Variants in HSF2BP observed in about 807,000 individuals in gnomAD.
The protein encoded by HSF2BP is heat shock factor 2-binding protein.
In HSF2BP, 35 loss-of-function variants were observed where a neutral mutation model predicts 35.0. That is an observed-to-expected ratio of 1.00 (90% confidence interval 0.76 to 1.32). The LOEUF (loss-of-function observed/expected upper bound fraction) is 1.32, where lower values mean the gene tolerates loss of function less well. Among genes scored for constraint, HSF2BP ranks in the 40% most tolerant of loss-of-function variants. HSF2BP has a pLI of 0.00. For missense variants in HSF2BP, 326 were observed against 321.7 expected (o/e 1.01, Z -0.10); for synonymous variants, 114 against 117.4 (o/e 0.97, Z 0.18).
rs144492212 is a variant in HSF2BP, at chr21:43,643,290, G to A, written c.291+999C>T. On this transcript the variant is annotated intron_variant, in intron 4 of 8. Transcript: ENST00000291560. ...GATTTTTTCCTCCGAGACTCTCATC[G>A]CTATGGTTTGTCCCCCTGCAAACTC... 6.0e-4 allele frequency among the ~76,000 whole-genome samples: 91 copies of A among 151,854 alleles called. 2 individuals are homozygous for A. The East Asian group carries it at 0.015, about 25-fold the overall frequency.
intron 6 of HSF2BP, among the ~76,000 whole-genome samples, chr21:43,622,703 G>T (rs1489453507): frequency 1.3e-5 from 2 of 151,968 alleles, no homozygotes; most frequent in East Asian, 3.9e-4. Flanking sequence ...GGGAGAAATT[G>T]ACTGCAGTAC....
intron 3 of HSF2BP, among the ~76,000 whole-genome samples, chr21:43,649,046 C>A (rs1335097626): frequency 6.6e-6 from 1 of 152,038 alleles, no homozygotes; most frequent in Non-Finnish European, 1.5e-5. Flanking sequence ...GCTCATCATT[C>A]ATTTATTTAA....
At chr21:43,649,040 A>T (rs140334260) in intron 3 of HSF2BP, among the ~76,000 whole-genome samples, 1 of 152,062 alleles carries the variant, frequency 6.6e-6, no homozygotes, top group African/African-American at 2.4e-5. Flanking sequence ...TCATTTGCTC[A>T]TCATTCATTT....
At chr21:43,658,482 A>T (rs988007227) in intron 1 of HSF2BP, among the ~76,000 whole-genome samples, 162 bp from the exon 2 acceptor site, 2 of 152,114 alleles carry the variant, frequency 1.3e-5, no homozygotes, top group African/African-American at 4.8e-5. Flanking sequence ...CCTCGCTCGG[A>T]TTCAGGCGCT....
chr21:43,587,609 G>T (rs551921192), intron 8 of HSF2BP, among the ~76,000 whole-genome samples: 1 of 144,972 alleles, frequency 6.9e-6, no homozygotes, highest in South Asian at 2.2e-4. Flanking sequence ...AGGTTGTGGT[G>T]AGCAGAGATC....
Position 43,582,527 on chromosome 21 carries a change from G to A in HSF2BP, c.796+9698C>T, listed in dbSNP as rs573084110. Among the ~76,000 whole-genome samples, 282 of 112,176 alleles carry A rather than the reference G, an allele frequency of 2.5e-3. 8 individuals carry two copies. Among genetic ancestry groups the A allele is most frequent in the African/African-American group, 9.8e-3 (268 of 27,304 alleles). 73.6% of individuals were successfully genotyped at this position (112,176 alleles called of 152,430 possible). A position where few individuals can be genotyped will look rare whatever the true frequency, so the allele number is the denominator to read the frequency against. On this transcript the variant is annotated intron_variant, in intron 8 of 8. Transcript: ENST00000291560. Reference sequence around the variant, plus strand: ...GCCTGCTGAGGGAGATGAAGGGCCTGCTGAGGGAGATGAGGACCTGCTGAG... The same window carrying A: ...GCCTGCTGAGGGAGATGAAGGGCCTACTGAGGGAGATGAGGACCTGCTGAG...
chr21:43,595,648 A>G (rs185859857), intron 7 of HSF2BP, among the ~76,000 whole-genome samples: 2 of 149,744 alleles, frequency 1.3e-5, no homozygotes, highest in Non-Finnish European at 3.0e-5. Flanking sequence ...ACAGAGCAAG[A>G]CCCTATCTCA....
chr21:43,655,111 G>A (rs905216434), intron 3 of HSF2BP, among the ~76,000 whole-genome samples: 2 of 152,208 alleles, frequency 1.3e-5, no homozygotes, highest in Non-Finnish European at 2.9e-5. Flanking sequence ...ACTAACTCAT[G>A]AGACCCTGAT....
chr21:43,468,101 A>G, the HSF2BP span, among the ~76,000 whole-genome samples: 2 of 118,674 alleles, frequency 1.7e-5, no homozygotes, highest in Admixed American at 8.5e-5. Context: ...CATACCACAC[A>G]CCACAAACCA....
chr21:43,641,201 G>A (rs915639993), intron 4 of HSF2BP, among the ~76,000 whole-genome samples: 5 of 152,066 alleles, frequency 3.3e-5, no homozygotes, highest in African/African-American at 4.8e-5. Flanking sequence ...GGGTTTCACC[G>A]TGTTAGCCAG....
intron 7 of HSF2BP, among the ~76,000 whole-genome samples, chr21:43,596,409 C>T (rs1055731415): frequency 6.6e-6 from 1 of 152,076 alleles, no homozygotes; most frequent in African/African-American, 2.4e-5. Flanking sequence ...CACACACACA[C>T]ACAGCCTTTA....
At chr21:43,631,682 C>A (rs1216879094) in intron 5 of HSF2BP, among the ~76,000 whole-genome samples, 2 of 152,128 alleles carry the variant, frequency 1.3e-5, no homozygotes, top group Non-Finnish European at 2.9e-5. Context: ...ACATCCCAAC[C>A]TACGTTTAAG....
rs142039505 is a variant in HSF2BP at position 43,628,620 on chromosome 21, T to C, written c.574+1702A>G. Among the ~76,000 whole-genome samples, 491 of 152,356 alleles carry C rather than the reference T, an allele frequency of 3.2e-3. 1 individual carries two copies. Among genetic ancestry groups the C allele is most frequent in the African/African-American group, 0.011 (458 of 41,588 alleles). On this transcript the variant is annotated intron_variant, in intron 6 of 8. Transcript: ENST00000291560. Reference sequence around the variant, plus strand: ...GCTGCAGCAAGTTATCCAGAAGATCTAGCTAAGATCACTGCCGAGGGTGGT... The same window carrying C: ...GCTGCAGCAAGTTATCCAGAAGATCCAGCTAAGATCACTGCCGAGGGTGGT...
chr21:43,641,818 C>A (rs1000278958), intron 4 of HSF2BP, among the ~76,000 whole-genome samples: 2 of 150,764 alleles, frequency 1.3e-5, no homozygotes, highest in Admixed American at 6.6e-5. Context: ...CATGGTGGCA[C>A]GTGCCTGTAA....
At chr21:43,585,712 T>C (rs999314824) in intron 8 of HSF2BP, among the ~76,000 whole-genome samples, 1 of 151,488 alleles carries the variant, frequency 6.6e-6, no homozygotes, top group African/African-American at 2.4e-5. Context: ...GTTTTGAAAG[T>C]AGAGCCATCA....
At chr21:43,651,201 T>C (rs1225367005) in intron 3 of HSF2BP, among the ~76,000 whole-genome samples, 2 of 152,208 alleles carry the variant, frequency 1.3e-5, no homozygotes, top group African/African-American at 2.4e-5. Flanking sequence ...GGGACTCCTA[T>C]GAGCCAGTCA....
intron 4 of HSF2BP, among the ~76,000 whole-genome samples, chr21:43,643,999 T>C (rs1348968863): frequency 6.6e-6 from 1 of 152,064 alleles, no homozygotes; most frequent in African/African-American, 2.4e-5. Flanking sequence ...GTATCAGATA[T>C]TTTGTTATAG....
chr21:43,612,313 G>C (rs933847872), intron 7 of HSF2BP, among the ~76,000 whole-genome samples: 1 of 152,068 alleles, frequency 6.6e-6, no homozygotes, highest in Non-Finnish European at 1.5e-5. Flanking sequence ...GGATGACACA[G>C]GTGTTGGAAG....
At chr21:43,613,219 T>TA (rs2146919027) in intron 7 of HSF2BP, among the ~76,000 whole-genome samples, 1 of 152,000 alleles carries the variant, frequency 6.6e-6, no homozygotes, top group African/African-American at 2.4e-5. Flanking sequence ...GAAGATGGGG[T>TA]CCCTGTGAGA....
Sources: gnomAD v4.1 joint callset for allele counts (sites outside exome capture counted in the v4.1 genomes callset) on GRCh38, gnomAD v4.1.1 for gene constraint, MANE v1.5 for transcripts, NCBI Gene and HGNC (gene_info 2026-07-23, HGNC 2026-07-21) for gene names.